TSHZ2: variants seen among roughly 807,000 people sequenced by gnomAD.
The protein encoded by TSHZ2 is teashirt zinc finger homeobox 2.
In TSHZ2, 21 loss-of-function variants were observed where a neutral mutation model predicts 74.4. That is an observed-to-expected ratio of 0.28 (90% confidence interval 0.20 to 0.41). The LOEUF (loss-of-function observed/expected upper bound fraction) is 0.41, where lower values mean the gene tolerates loss of function less well. TSHZ2 is among the 10% of genes least tolerant of loss of function. The pLI, the probability that TSHZ2 is intolerant of heterozygous loss-of-function variation, is 1.00. For synonymous variants in TSHZ2, 540 were observed against 515.3 expected (o/e 1.05, Z -0.65); for missense variants, 1,244 against 1,293.5 (o/e 0.96, Z 0.59).
chr20:52,984,240 C>A (rs535722878), intron 1 of TSHZ2, among the ~76,000 whole-genome samples: 1 of 152,184 alleles, frequency 6.6e-6, no homozygotes, highest in South Asian at 2.1e-4. Flanking sequence ...AGCCTTGCAT[C>A]CGAATGACAA....
chr20:52,985,410 G>T (rs1600630182), intron 1 of TSHZ2, among the ~76,000 whole-genome samples: 1 of 152,178 alleles, frequency 6.6e-6, no homozygotes, highest in East Asian at 1.9e-4. Context: ...ATGGTAAGTG[G>T]TCAATACATT....
At chr20:53,417,535 A>C (rs1983315208) in intron 2 of TSHZ2, among the ~76,000 whole-genome samples, 1 of 152,084 alleles carries the variant, frequency 6.6e-6, no homozygotes. Context: ...GACCTCAGGT[A>C]ATCTGCCGGC....
intron 2 of TSHZ2, among the ~76,000 whole-genome samples, chr20:53,269,948 T>C (rs1990801050): frequency 6.6e-6 from 1 of 152,188 alleles, no homozygotes; most frequent in Non-Finnish European, 1.5e-5. Context: ...TTATATAAAA[T>C]AATATATTCT....
intron 1 of TSHZ2, among the ~76,000 whole-genome samples, chr20:53,003,171 G>A (rs903701275): frequency 3.2e-4 from 48 of 151,966 alleles, no homozygotes; most frequent in Middle Eastern, 3.2e-3. Flanking sequence ...TCCAGGTACT[G>A]TCCTTCATTG....
At chr20:53,037,665 C>T (rs556796224) in intron 1 of TSHZ2, among the ~76,000 whole-genome samples, 10 of 152,278 alleles carry the variant, frequency 6.6e-5, no homozygotes, top group African/African-American at 1.7e-4. Flanking sequence ...AGAGGTTGCA[C>T]GGTTGATTTG....
intron 1 of TSHZ2, among the ~76,000 whole-genome samples, chr20:53,001,561 A>G (rs1982442426): frequency 6.6e-6 from 1 of 152,180 alleles, no homozygotes; most frequent in African/African-American, 2.4e-5. Context: ...GTTTCTCACC[A>G]TTGCTAGCTT....
intron 2 of TSHZ2, among the ~76,000 whole-genome samples, chr20:53,484,317 T>G (rs571979728): frequency 5.3e-5 from 8 of 152,240 alleles, no homozygotes; most frequent in Admixed American, 3.9e-4. Flanking sequence ...GGACTAAATT[T>G]AAAGCCATCC....
chr20:53,258,598 C>T (rs746365646), intron 2 of TSHZ2, among the ~76,000 whole-genome samples: 11 of 152,234 alleles, frequency 7.2e-5, no homozygotes, highest in African/African-American at 1.2e-4. Context: ...CTTGATCCAT[C>T]GTCAGTCAGA....
chr20:53,417,428 C>G (rs1256621135), intron 2 of TSHZ2, among the ~76,000 whole-genome samples: 1 of 152,102 alleles, frequency 6.6e-6, no homozygotes, highest in Non-Finnish European at 1.5e-5. Flanking sequence ...TCCCAGGTAG[C>G]TGAGAATACA....
intron 1 of TSHZ2, among the ~76,000 whole-genome samples, chr20:53,121,111 T>A (rs1365044465): frequency 2.6e-5 from 4 of 152,200 alleles, no homozygotes; most frequent in Non-Finnish European, 5.9e-5. Context: ...TATTTCTATT[T>A]GGGGAAAAAT....
At chr20:52,990,744 T>C (rs1378773670) in intron 1 of TSHZ2, among the ~76,000 whole-genome samples, 1 of 152,180 alleles carries the variant, frequency 6.6e-6, no homozygotes, top group Non-Finnish European at 1.5e-5. Context: ...AAACATATAT[T>C]GAAGCTCACT....
intron 1 of TSHZ2, among the ~76,000 whole-genome samples, chr20:53,031,880 A>C (rs1983651165): frequency 6.6e-6 from 1 of 151,708 alleles, no homozygotes; most frequent in African/African-American, 2.4e-5. Flanking sequence ...CAAGTAATCC[A>C]TGTGCAGCAT....
At chr20:53,040,773 G>A (rs1026422226) in intron 1 of TSHZ2, among the ~76,000 whole-genome samples, 15 of 152,160 alleles carry the variant, frequency 9.9e-5, no homozygotes, top group Admixed American at 9.2e-4. Flanking sequence ...CAGGTGCGGT[G>A]TCTTCCAGCT....
Position 53,262,961 on chromosome 20 carries a change from G to A in TSHZ2, c.*8+6390G>A, listed in dbSNP as rs772243976. On this transcript the variant is annotated intron_variant, in intron 2 of 2. Transcript: ENST00000371497. ...GTTGAGAACATTCGCCTCCAGAAGC[G>A]AAGTTCTGGAGTATATGGAAAAGCC... 2.0e-5 allele frequency among the ~76,000 whole-genome samples: 3 copies of A among 152,288 alleles called. No homozygotes were observed. In the South Asian group the frequency reaches 6.2e-4, roughly 32 times the overall value.
intron 2 of TSHZ2, among the ~76,000 whole-genome samples, chr20:53,298,502 C>G (rs61602526): frequency 0.011 from 1,724 of 152,254 alleles, 27 homozygotes; most frequent in African/African-American, 0.04. Context: ...TCTGGGGAAA[C>G]AGTGTTTCAG....
intron 2 of TSHZ2, among the ~76,000 whole-genome samples, chr20:53,406,595 C>T (rs1026125416): frequency 1.3e-5 from 2 of 152,062 alleles, no homozygotes; most frequent in African/African-American, 2.4e-5. Flanking sequence ...TGCAGGAACC[C>T]CCAATTCCTC....
chr20:53,302,417 T>C (rs1978346720), intron 2 of TSHZ2, among the ~76,000 whole-genome samples: 1 of 152,220 alleles, frequency 6.6e-6, no homozygotes, highest in South Asian at 2.1e-4. Flanking sequence ...TGAATAATTT[T>C]TATTCTCTAG....
At chr20:53,082,916 A>T (rs748702344) in intron 1 of TSHZ2, among the ~76,000 whole-genome samples, 15 of 152,156 alleles carry the variant, frequency 9.9e-5, no homozygotes, top group Non-Finnish European at 2.1e-4. Context: ...CTCTGATGGG[A>T]ATATTAGAAA....
chr20:53,420,468 G>A (rs1234029244), intron 2 of TSHZ2, among the ~76,000 whole-genome samples: 4 of 152,190 alleles, frequency 2.6e-5, no homozygotes, highest in Admixed American at 6.5e-5. Flanking sequence ...GGTGGCTCAC[G>A]CCTGTAATCC....
Sources: allele counts gnomAD v4.1 joint callset (sites outside exome capture counted in the v4.1 genomes callset), GRCh38; gene constraint gnomAD v4.1.1; transcripts MANE v1.5; gene names NCBI Gene and HGNC (gene_info 2026-07-23, HGNC 2026-07-21).